The following PRKN variants were observed in gnomAD, a reference collection of about 807,000 sequenced individuals.
The protein encoded by PRKN is E3 ubiquitin-protein ligase parkin.
Under a neutral mutation model 59.5 loss-of-function variants are expected in PRKN, and 56 were observed. The observed-to-expected ratio is 0.94, with a 90% CI of 0.76 to 1.18. PRKN has a LOEUF of 1.18. PRKN is among the 50% of genes most tolerant of loss of function. The probability of loss-of-function intolerance (pLI) is 0.00; values close to 1 mark genes in which losing one functional copy is unlikely to be tolerated. For missense variants in PRKN, 657 were observed against 596.4 expected (o/e 1.10, Z -1.06); for synonymous variants, 250 against 222.1 (o/e 1.13, Z -1.12).
chr6:162,454,763 C>T (rs1259624291), intron 1 of PRKN, among the ~76,000 whole-genome samples: 1 of 152,192 alleles, frequency 6.6e-6, no homozygotes, highest in Admixed American at 6.5e-5. Flanking sequence ...TCAACATTCT[C>T]CCACTTCACA....
chr6:161,953,800 T>C (rs548164217), intron 6 of PRKN, among the ~76,000 whole-genome samples: 2 of 152,094 alleles, frequency 1.3e-5, no homozygotes, highest in Non-Finnish European at 2.9e-5. Flanking sequence ...AGGTGTGAGC[T>C]AGCACGACGC....
At chr6:161,991,038 T>A (rs1781626241) in intron 5 of PRKN, among the ~76,000 whole-genome samples, 1 of 152,044 alleles carries the variant, frequency 6.6e-6, no homozygotes, top group African/African-American at 2.4e-5. Flanking sequence ...GCTATCCCCA[T>A]CAGACAAACA....
intron 7 of PRKN, among the ~76,000 whole-genome samples, chr6:161,739,754 T>C (rs781770813): frequency 1.6e-4 from 25 of 152,130 alleles, no homozygotes; most frequent in Non-Finnish European, 3.1e-4. Flanking sequence ...TTTTTTTTCT[T>C]GTTTCTTTTC....
intron 1 of PRKN, among the ~76,000 whole-genome samples, chr6:162,636,549 T>C (rs1777719701): frequency 1.3e-5 from 2 of 152,234 alleles, no homozygotes; most frequent in Non-Finnish European, 2.9e-5. Context: ...CAAATCTATG[T>C]TCCTGCTCAA....
intron 7 of PRKN, among the ~76,000 whole-genome samples, chr6:161,719,511 G>A (rs1402148661): frequency 6.6e-6 from 1 of 152,078 alleles, no homozygotes; most frequent in African/African-American, 2.4e-5. Flanking sequence ...ATGTGACTAG[G>A]GCTATCATGT....
At chr6:161,622,209 C>A (rs1782931330) in intron 7 of PRKN, among the ~76,000 whole-genome samples, 1 of 152,176 alleles carries the variant, frequency 6.6e-6, no homozygotes, top group East Asian at 1.9e-4. Flanking sequence ...CTCCCTGTCA[C>A]CACCTGCTCT....
At chr6:162,606,681 T>G (rs537126431) in intron 1 of PRKN, among the ~76,000 whole-genome samples, 3 of 152,154 alleles carry the variant, frequency 2.0e-5, no homozygotes, top group Non-Finnish European at 4.4e-5. Context: ...AAGAGAGAAG[T>G]TGCAAGGCAG....
Position 161,396,114 on chromosome 6 carries a change from C to T in PRKN, c.1084-9237G>A, listed in dbSNP as rs1786747626. 2.6e-5 allele frequency among the ~76,000 whole-genome samples: 4 copies of T among 152,172 alleles called. No homozygotes were observed. The highest frequency in any genetic ancestry group is 4.1e-4 in the South Asian group (2 of 4,834). On this transcript the variant is annotated intron_variant, in intron 9 of 11. Transcript: ENST00000366898. The surrounding 1 kb of genome is among the most constrained non-coding windows in gnomAD (Gnocchi z 5.4). The stretch of plus-strand genomic sequence containing the variant: ...GAAGCTGGGGTGGGAGTGCTGTATG[C>T]TCTCGGTCCCTAATCCCCCGCCTCT...
chr6:161,350,514 G>A (rs1784486209), intron 11 of PRKN, among the ~76,000 whole-genome samples: 1 of 147,284 alleles, frequency 6.8e-6, no homozygotes, highest in Non-Finnish European at 1.5e-5. Flanking sequence ...AACACTTCAT[G>A]TTTCATAGAT....
chr6:161,534,086 G>A (rs578100170), intron 9 of PRKN, among the ~76,000 whole-genome samples: 1 of 152,074 alleles, frequency 6.6e-6, no homozygotes, highest in East Asian at 1.9e-4. Context: ...ATTGTCTGCA[G>A]GATGAAGTAC....
rs996639508 is a variant in PRKN, at chr6:161,388,465, G to A, written c.1084-1588C>T. 6.6e-6 allele frequency among the ~76,000 whole-genome samples: 1 copy of A among 152,186 alleles called. No homozygotes were observed. Among genetic ancestry groups the A allele is most frequent in the Admixed American group, 6.5e-5 (1 of 15,286 alleles). ...GGCAACATCTCCCACAGCAGAAACTGTATTCAGAGAAGGCATTTCAGCAGA... is the reference window on the plus strand; with the variant it reads ...GGCAACATCTCCCACAGCAGAAACTATATTCAGAGAAGGCATTTCAGCAGA... On this transcript the variant is annotated intron_variant, in intron 9 of 11. Transcript: ENST00000366898. The surrounding 1 kb of genome is among the most constrained non-coding windows in gnomAD (Gnocchi z 4.3).
intron 4 of PRKN, among the ~76,000 whole-genome samples, chr6:162,177,252 T>C (rs1386321117): frequency 6.6e-6 from 1 of 152,050 alleles, no homozygotes; most frequent in African/African-American, 2.4e-5. Context: ...CTATAAAAAT[T>C]ACCTTTGAGA....
intron 9 of PRKN, among the ~76,000 whole-genome samples, chr6:161,474,616 A>G (rs556372382): frequency 1.3e-5 from 2 of 151,832 alleles, no homozygotes; most frequent in East Asian, 1.9e-4. Context: ...TTTTTCGGCA[A>G]TGGAGTCTCG....
At chr6:161,675,040 T>G (rs565186277) in intron 7 of PRKN, among the ~76,000 whole-genome samples, 1 of 152,322 alleles carries the variant, frequency 6.6e-6, no homozygotes, top group African/African-American at 2.4e-5. Flanking sequence ...AGTTGGAAAC[T>G]TACACAAGGG....
intron 9 of PRKN, among the ~76,000 whole-genome samples, chr6:161,517,505 C>A (rs978151307): frequency 6.6e-6 from 1 of 151,900 alleles, no homozygotes; most frequent in Admixed American, 6.6e-5. Flanking sequence ...CTTTGGGAGG[C>A]CAAAGCAGGC....
intron 6 of PRKN, among the ~76,000 whole-genome samples, chr6:161,905,504 G>A (rs1262872622): frequency 6.6e-6 from 1 of 152,046 alleles, no homozygotes; most frequent in Admixed American, 6.6e-5. Flanking sequence ...GATTCCCCAC[G>A]GGAGTGCTCA....
At position 161,562,222 on chromosome 6, in the gene PRKN, C is replaced by T. The variant is rs1193852255; in HGVS notation, c.933+7133G>A. The stretch of plus-strand genomic sequence containing the variant: ...AGGCCTGCCTTCTCGGCTTCCTCAA[C>T]ACCATAAATCGCCATTCTCCTCTGG... On this transcript the variant is annotated intron_variant, in intron 8 of 11. Transcript: ENST00000366898. This position sits in a 1 kb window ranked among gnomAD's most constrained non-coding sequence, Gnocchi z 4.3. 3.3e-5 allele frequency among the ~76,000 whole-genome samples: 5 copies of T among 151,746 alleles called. No individual in the cohort carries two copies. The highest frequency in any genetic ancestry group is 5.9e-5 in the Non-Finnish European group (4 of 67,964).
At chr6:161,616,938 C>T (rs1322590517) in intron 7 of PRKN, among the ~76,000 whole-genome samples, 1 of 152,084 alleles carries the variant, frequency 6.6e-6, no homozygotes, top group African/African-American at 2.4e-5. Flanking sequence ...AATGAGATTG[C>T]TGGGTCAAAT....
chr6:161,807,382 T>C (rs1433473178), intron 6 of PRKN, among the ~76,000 whole-genome samples: 3 of 152,112 alleles, frequency 2.0e-5, no homozygotes, highest in Non-Finnish European at 4.4e-5. Context: ...CGCACAGAGC[T>C]ACATGGACAC....
Sources: allele counts gnomAD v4.1 joint callset (sites outside exome capture counted in the v4.1 genomes callset), GRCh38; gene constraint gnomAD v4.1.1; non-coding constraint Gnocchi (gnomAD v3.1); transcripts MANE v1.5; gene names NCBI Gene and HGNC (gene_info 2026-07-23, HGNC 2026-07-21).